The following SLC35F1 variants were observed in gnomAD, a reference collection of about 807,000 sequenced individuals.
SLC35F1 encodes solute carrier family 35 member F1, also known as chromosome 6 open reading frame 169.
SLC35F1 carries 14 observed loss-of-function variants against 48.7 expected under a neutral mutation model. The observed-to-expected ratio is 0.29, with a 90% confidence interval of 0.19 to 0.45. SLC35F1 has a LOEUF of 0.45. Ranked by LOEUF, SLC35F1 falls within the 20% of genes least tolerant of loss-of-function variation. The pLI is 1.00. For synonymous variants in SLC35F1, 190 were observed against 202.2 expected, an observed-to-expected ratio of 0.94 and a Z score of 0.51; for missense variants, 404 against 500.0, an observed-to-expected ratio of 0.81 and a Z score of 1.83.
At chr6:118,205,045 T>C (rs894567486) in intron 2 of SLC35F1, among the ~76,000 whole-genome samples, 6 of 152,226 alleles carry the variant, frequency 3.9e-5, no homozygotes, top group African/African-American at 4.8e-5. Flanking sequence ...TCAGGGTTTC[T>C]TTGGCTCCTG....
chr6:117,995,397 A>G (rs2114861257), intron 1 of SLC35F1, among the ~76,000 whole-genome samples: 1 of 152,330 alleles, frequency 6.6e-6, no homozygotes, highest in Admixed American at 6.5e-5. Context: ...GACACCTAGG[A>G]CCAGACATAT....
chr6:117,987,762 C>A (rs1162916187), intron 1 of SLC35F1, among the ~76,000 whole-genome samples: 1 of 152,110 alleles, frequency 6.6e-6, no homozygotes, highest in African/African-American at 2.4e-5. Context: ...GCTATCCTCT[C>A]CCAGATGTAT....
intron 2 of SLC35F1, among the ~76,000 whole-genome samples, chr6:118,164,041 C>T (rs1774280023): frequency 6.6e-6 from 1 of 152,178 alleles, no homozygotes; most frequent in Non-Finnish European, 1.5e-5. Context: ...TCATAATTTC[C>T]TGCCTATGCA....
intron 1 of SLC35F1, among the ~76,000 whole-genome samples, chr6:118,039,755 C>T (rs550327598): frequency 4.4e-5 from 6 of 136,116 alleles, no homozygotes; most frequent in Non-Finnish European, 7.9e-5. Context: ...GTAGTAGCTG[C>T]TTCAATATGT....
chr6:118,009,491 A>G (rs1381579279), intron 1 of SLC35F1, among the ~76,000 whole-genome samples: 1 of 152,186 alleles, frequency 6.6e-6, no homozygotes, highest in Non-Finnish European at 1.5e-5. Context: ...TGAGAGAACA[A>G]ATAAGTATAA....
chr6:118,148,040 A>G (rs1774001064), intron 1 of SLC35F1, among the ~76,000 whole-genome samples: 1 of 152,212 alleles, frequency 6.6e-6, no homozygotes, highest in Non-Finnish European at 1.5e-5. Flanking sequence ...TCTGCAAACA[A>G]GAATCTTGTC....
At chr6:117,992,501 G>A (rs1478599432) in intron 1 of SLC35F1, among the ~76,000 whole-genome samples, 1 of 152,060 alleles carries the variant, frequency 6.6e-6, no homozygotes, top group Non-Finnish European at 1.5e-5. Flanking sequence ...TGATAAACAC[G>A]AAATCTATTC....
intron 7 of SLC35F1, 96 bp downstream of exon 7, chr6:118,285,434 G>A (rs764504804): frequency 2.0e-5 from 27 of 1,380,652 alleles, no homozygotes; most frequent in Non-Finnish European, 2.4e-5. Context: ...CTGATTTTGT[G>A]TAGGGAATAG....
chr6:117,979,972 T>C (rs771880010), intron 1 of SLC35F1, among the ~76,000 whole-genome samples: 20 of 152,256 alleles, frequency 1.3e-4, no homozygotes, highest in Non-Finnish European at 2.1e-4. Context: ...TTCCCTTTAC[T>C]GTAGTAAAAA....
intron 2 of SLC35F1, among the ~76,000 whole-genome samples, chr6:118,202,419 C>T (rs1774883678): frequency 6.6e-6 from 1 of 152,148 alleles, no homozygotes; most frequent in Admixed American, 6.5e-5. Context: ...ATTGCTTGAA[C>T]CCAGGAGTTT....
At chr6:118,088,698 A>G (rs549697586) in intron 1 of SLC35F1, among the ~76,000 whole-genome samples, 258 of 152,316 alleles carry the variant, frequency 1.7e-3, no homozygotes, top group African/African-American at 6.0e-3. Context: ...TTGGTTGTGC[A>G]AGTTTACATT....
intron 6 of SLC35F1, among the ~76,000 whole-genome samples, chr6:118,280,135 GT>G (rs1190429949): frequency 6.6e-6 from 1 of 152,082 alleles, no homozygotes; most frequent in Non-Finnish European, 1.5e-5. Context: ...TTATTCCATT[GT>G]TTTACAGTAC....
chr6:118,038,835 C>T (rs533890160), intron 1 of SLC35F1, among the ~76,000 whole-genome samples: 11 of 152,056 alleles, frequency 7.2e-5, no homozygotes, highest in East Asian at 1.9e-4. Context: ...TTGCCCAGGC[C>T]GGTCTTCAAC....
chr6:118,229,452 T>G (rs756494564), intron 2 of SLC35F1, among the ~76,000 whole-genome samples: 22 of 152,052 alleles, frequency 1.4e-4, no homozygotes, highest in Non-Finnish European at 4.4e-5. Context: ...ACCCCTGGAG[T>G]TGGCAGTGGG....
At chr6:118,187,176 G>C (rs968495716) in intron 2 of SLC35F1, among the ~76,000 whole-genome samples, 3 of 152,158 alleles carry the variant, frequency 2.0e-5, no homozygotes, top group African/African-American at 7.2e-5. Flanking sequence ...GCCTGCACTA[G>C]GCAGGCATGT....
At chr6:117,999,935 T>G (rs1163984640) in intron 1 of SLC35F1, among the ~76,000 whole-genome samples, 1 of 151,726 alleles carries the variant, frequency 6.6e-6, no homozygotes, top group Non-Finnish European at 1.5e-5. Flanking sequence ...AATAACAGGC[T>G]CTGAAATTGT....
intron 1 of SLC35F1, among the ~76,000 whole-genome samples, chr6:118,030,049 C>T (rs938486213): frequency 1.3e-5 from 2 of 151,888 alleles, no homozygotes; most frequent in Non-Finnish European, 2.9e-5. Flanking sequence ...TACAAGGTGT[C>T]GAAGTGGTCA....
chr6:118,119,503 C>G (rs1242312702), intron 1 of SLC35F1, among the ~76,000 whole-genome samples: 1 of 56,944 alleles, frequency 1.8e-5, no homozygotes, highest in African/African-American at 7.2e-5. Flanking sequence ...CGCCCCCCCT[C>G]CACCCCGCTT....
chr6:117,961,829 A>G (rs934181238), intron 1 of SLC35F1, among the ~76,000 whole-genome samples: 6 of 152,182 alleles, frequency 3.9e-5, no homozygotes, highest in African/African-American at 1.4e-4. Flanking sequence ...ATTCAATGCA[A>G]CTCAATCAAT....
Sources: gnomAD v4.1 joint callset for allele counts (sites outside exome capture counted in the v4.1 genomes callset) on GRCh38, gnomAD v4.1.1 for gene constraint, MANE v1.5 for transcripts, NCBI Gene and HGNC (gene_info 2026-07-23, HGNC 2026-07-21) for gene names.